SLF2: variants seen among roughly 807,000 people sequenced by gnomAD.
SLF2 encodes SMC5-SMC6 complex localization factor protein 2.
SLF2 carries 68 observed loss-of-function variants against 124.3 expected under a neutral mutation model. The ratio of observed to expected loss-of-function variants is 0.55; its 90% CI spans 0.45 to 0.67. SLF2 has a LOEUF of 0.67. SLF2 is among the 30% of genes least tolerant of loss of function. The pLI, the probability that SLF2 is intolerant of heterozygous loss-of-function variation, is 0.00. For synonymous variants in SLF2, 480 were observed against 478.8 expected (o/e 1.00, Z -0.03); for missense variants, 1,246 against 1,373.7 (o/e 0.91, Z 1.47).
In SLF2 at chr10:100,938,756, T is replaced by G. The variant is rs756434597; in HGVS notation, c.2654+20T>G. On this transcript the variant is annotated intron_variant, in intron 11 of 19. Coordinates refer to ENST00000238961, the MANE Select transcript of SLF2 (RefSeq NM_018121.4). Reference sequence around the variant, plus strand: ...TCTAGTGTAAGTTTTCTCATCATAATTAACGCCAAAAATATCATTTCGTAC... The same window carrying G: ...TCTAGTGTAAGTTTTCTCATCATAAGTAACGCCAAAAATATCATTTCGTAC... 1.8e-5 allele frequency: 28 copies of G among 1,577,006 alleles called. No homozygotes were observed. In the Middle Eastern group the frequency reaches 6.8e-4, roughly 38 times the overall value.
chr10:100,937,611 T>C, intron 10 of SLF2, 134 bp downstream of exon 10: 2 of 634,842 alleles, frequency 3.2e-6, no homozygotes, highest in South Asian at 3.9e-5. Context: ...AAAAGTCGTT[T>C]TTTTTGGTTT....
chr10:100,942,260 T>G (rs921241178), intron 11 of SLF2, among the ~76,000 whole-genome samples: 2 of 152,188 alleles, frequency 1.3e-5, no homozygotes, highest in Non-Finnish European at 2.9e-5. Flanking sequence ...TGGGCTTCCT[T>G]TTCTTCTAAA....
At chr10:100,913,787 AGGC>A in intron 1 of SLF2, 1 of 985,958 alleles carries the variant, frequency 1.0e-6, no homozygotes. Context: ...CCTCTCCAAG[AGGC>A]TAATTTTTTT....
chr10:100,925,054 C>A, intron 5 of SLF2, 82 bp downstream of exon 5: 2 of 1,371,996 alleles, frequency 1.5e-6, no homozygotes, highest in Non-Finnish European at 2.0e-6. Flanking sequence ...TCGGAACTTA[C>A]TTTAAAATTT....
chr10:100,951,965 C>T (rs896243320), intron 17 of SLF2, among the ~76,000 whole-genome samples: 1 of 152,114 alleles, frequency 6.6e-6, no homozygotes, highest in Non-Finnish European at 1.5e-5. Flanking sequence ...TCGGACATGC[C>T]GGGCACGGTG....
rs771058519 is a variant in SLF2, at chr10:100,924,731, C to G, written c.1730C>G (p.Pro577Arg). Reference sequence around the variant, plus strand: ...CCTGCAGCACCTTCAGATAAAGCCCCTTCAGAAGGAGAGAGTTCAGGAAAT... The same window carrying G: ...CCTGCAGCACCTTCAGATAAAGCCCGTTCAGAAGGAGAGAGTTCAGGAAAT... ...PSPAAPSDKA[P>R]SEGESSGNSN... Residue 577 changes from proline to arginine, a missense_variant, in exon 5 of 20, where the codon CCT (proline) becomes CGT (arginine). Physicochemically the swap from Pro to Arg is moderately radical, Grantham distance 103. Coordinates refer to ENST00000238961, the MANE Select transcript of SLF2 (RefSeq NM_018121.4). 1 of 1,614,064 alleles carries G rather than the reference C, an allele frequency of 6.2e-7. No individual in the cohort carries two copies. The highest frequency in any genetic ancestry group is 1.3e-5 in the African/African-American group (1 of 74,910).
At position 100,938,630 on chromosome 10, in the gene SLF2, C is replaced by T. The variant is rs1231635874; in HGVS notation, c.2548C>T (p.Pro850Ser). Reference sequence around the variant, plus strand: ...TGACTCACCAGTTTGGCCATGGATCCCATCATTGTCTGATGTAGCAGCTGT... The same window carrying T: ...TGACTCACCAGTTTGGCCATGGATCTCATCATTGTCTGATGTAGCAGCTGT... ...FSDSPVWPWI[P>S]SLSDVAAVFF... Residue 850 changes from proline to serine, a missense_variant, in exon 11 of 20, where the codon CCA becomes TCA. Physicochemically the swap from Pro to Ser is moderately conservative, Grantham distance 74. Transcript: ENST00000238961. 1.2e-6 allele frequency: 2 copies of T among 1,611,584 alleles called. No homozygotes were observed. Among genetic ancestry groups the T allele is most frequent in the Non-Finnish European group, 1.7e-6 (2 of 1,179,038 alleles).
chr10:100,922,683 T>C (rs1041852238), intron 4 of SLF2, among the ~76,000 whole-genome samples: 1 of 152,094 alleles, frequency 6.6e-6, no homozygotes, highest in Non-Finnish European at 1.5e-5. Flanking sequence ...CCTAGGCTGG[T>C]CTTGAACTCC....
chr10:100,947,048 CTCTG>C lies in SLF2; in HGVS notation c.2949_2952del (p.Cys983TrpfsTer3). 2.5e-6 allele frequency: 4 copies of C among 1,613,108 alleles called. No homozygotes were observed. The highest frequency in any genetic ancestry group is 2.2e-5 in the South Asian group (2 of 90,992). ...TGTTCTTTTTTTTCAGGTGCCTGAA[CTCTG>C]TCTGGGCATAAATGAACTCTCCAGT... On this transcript the variant is annotated frameshift_variant, in exon 14 of 20. Transcript: ENST00000238961. LOFTEE classifies it high-confidence loss of function.
In SLF2 at chr10:100,945,321, G is replaced by A; in HGVS notation, c.2758-9G>A. The A allele has an allele frequency of 6.4e-7, 1 of 1,554,570 alleles. No homozygotes were observed. The highest frequency in any genetic ancestry group is 8.6e-7 in the Non-Finnish European group (1 of 1,162,690). ...AAAATATTTTTGTCTGTGCATTTAT[G>A]TTAAACAGTTTCTAGGCTTGTGTAC... is the stretch of plus-strand genomic sequence containing the variant. On this transcript the variant is annotated splice_polypyrimidine_tract_variant and intron_variant, in intron 12 of 19. Coordinates refer to ENST00000238961, the MANE Select transcript of SLF2 (RefSeq NM_018121.4).
chr10:100,920,480 T>A (rs1849504195), intron 4 of SLF2, among the ~76,000 whole-genome samples: 1 of 152,224 alleles, frequency 6.6e-6, no homozygotes, highest in Non-Finnish European at 1.5e-5. Context: ...ATATTTTTAT[T>A]ACCAATATTT....
chr10:100,915,861 A>G (rs907570233), intron 1 of SLF2, 138 bp from the exon 2 acceptor site: 2 of 663,018 alleles, frequency 3.0e-6, no homozygotes, highest in Admixed American at 2.6e-5. Flanking sequence ...TTAGCAAAGC[A>G]TTGTTACCAT....
Position 100,961,490 on chromosome 10 carries a change from T to C in SLF2, c.3487-387T>C, listed in dbSNP as rs560197165. On this transcript the variant is annotated intron_variant, in intron 19 of 19. Transcript: ENST00000238961. ...AAGTCTTTGAGAAATCTTATATTTA[T>C]GTTTTGTTGTTTTTGTATTTGTTTC... 4.6e-5 allele frequency among the ~76,000 whole-genome samples: 7 copies of C among 152,356 alleles called. No individual in the cohort carries two copies. The South Asian group carries it at 1.4e-3, about 32-fold the overall frequency.
chr10:100,923,947 C>A (rs1589945579), intron 4 of SLF2, 28 bp from the exon 5 acceptor site: 1 of 1,468,158 alleles, frequency 6.8e-7, no homozygotes, highest in South Asian at 1.5e-5. Flanking sequence ...GTATATTTTT[C>A]ACTAATCTAA....
chr10:100,937,906 G>A (rs532592768), intron 10 of SLF2, among the ~76,000 whole-genome samples: 42 of 152,212 alleles, frequency 2.8e-4, no homozygotes, highest in Non-Finnish European at 4.4e-4. Flanking sequence ...CACCTCACCC[G>A]ACCTCAAAAG....
intron 9 of SLF2, 100 bp from the exon 10 acceptor site, chr10:100,937,302 C>T (rs375357501): frequency 7.2e-5 from 62 of 865,320 alleles, no homozygotes; most frequent in Admixed American, 2.8e-4. Flanking sequence ...TGAACTGCTG[C>T]GCCTGGCCTA....
chr10:100,913,422 G>C, intron 1 of SLF2, 172 bp downstream of exon 1: 1 of 1,346,094 alleles, frequency 7.4e-7, no homozygotes, highest in Non-Finnish European at 9.5e-7. Flanking sequence ...CTGGGAGTTG[G>C]AGTTTGCTTC....
At chr10:100,929,510 TAAATG>T in intron 7 of SLF2, 71 bp downstream of exon 7, 1 of 1,344,944 alleles carries the variant, frequency 7.4e-7, no homozygotes, top group Non-Finnish European at 1.0e-6. Flanking sequence ...TTTTGTAAAA[TAAATG>T]GGCCATTGAT....
intron 7 of SLF2, 51 bp from the exon 8 acceptor site, chr10:100,929,779 A>T: frequency 7.2e-7 from 1 of 1,393,456 alleles, no homozygotes. Context: ...TAAATACAAA[A>T]CTATATGTAG....
Sources: allele counts gnomAD v4.1 joint callset (sites outside exome capture counted in the v4.1 genomes callset), GRCh38; gene constraint gnomAD v4.1.1; transcripts MANE v1.5; gene names NCBI Gene and HGNC (gene_info 2026-07-23, HGNC 2026-07-21).